The following KAZN variants were observed in gnomAD, a reference collection of about 807,000 sequenced individuals.
KAZN encodes the protein kazrin, periplakin interacting protein.
KAZN carries 40 observed loss-of-function variants against 87.4 expected under a neutral mutation model. The observed-to-expected ratio is 0.46, with a 90% confidence interval of 0.36 to 0.60. The LOEUF is 0.60. KAZN is among the 20% of genes least tolerant of loss of function. KAZN has a pLI of 0.00. For missense variants in KAZN, 898 were observed against 1,073.9 expected (o/e 0.84, Z 2.29); for synonymous variants, 466 against 458.3 (o/e 1.02, Z -0.22).
chr1:14,385,421 A>G (rs1249930805), intron 2 of KAZN, among the ~76,000 whole-genome samples: 1 of 151,628 alleles, frequency 6.6e-6, no homozygotes, highest in Non-Finnish European at 1.5e-5. Flanking sequence ...TCAATTTTGG[A>G]TCTTTCCTGC....
At chr1:13,904,366 AC>A (rs1323056319) in intron 1 of KAZN, among the ~76,000 whole-genome samples, 14 of 152,022 alleles carry the variant, frequency 9.2e-5, no homozygotes, top group African/African-American at 3.4e-4. Flanking sequence ...TGCTGGGAGA[AC>A]TCCCAGGTTG....
At chr1:14,428,778 G>C (rs1292634789) in intron 2 of KAZN, among the ~76,000 whole-genome samples, 1 of 151,944 alleles carries the variant, frequency 6.6e-6, no homozygotes. Context: ...ACTATCACGA[G>C]AACAGTATGG....
chr1:14,183,509 G>T (rs905585802), intron 2 of KAZN, among the ~76,000 whole-genome samples: 3 of 152,070 alleles, frequency 2.0e-5, no homozygotes, highest in Non-Finnish European at 4.4e-5. Flanking sequence ...TTTGAAACCC[G>T]ATCTTGTGGC....
intron 2 of KAZN, among the ~76,000 whole-genome samples, chr1:14,489,567 A>G (rs182390880): frequency 1.3e-5 from 2 of 152,010 alleles, no homozygotes; most frequent in Non-Finnish European, 2.9e-5. Flanking sequence ...AACCTCATCT[A>G]TACTGAAAAT....
At chr1:14,279,055 T>C (rs1158953596) in intron 2 of KAZN, among the ~76,000 whole-genome samples, 1 of 151,252 alleles carries the variant, frequency 6.6e-6, no homozygotes, top group African/African-American at 2.4e-5. Flanking sequence ...AGTGACCATC[T>C]AATCTGTATT....
At chr1:15,059,102 C>T (rs1266316244) in intron 5 of KAZN, among the ~76,000 whole-genome samples, 1 of 140,362 alleles carries the variant, frequency 7.1e-6, no homozygotes, top group Non-Finnish European at 1.6e-5. Flanking sequence ...AAAACAGGCA[C>T]TTTTTTTTTT....
At position 15,063,575 on chromosome 1, in the gene KAZN, G is replaced by A. The variant is rs774095795; in HGVS notation, c.1051G>A (p.Asp351Asn). ...TCCTCTTCTCCTCTGGCTACAGGGC[G>A]ACAGTCCCGGCCCAGTTCAGAAGAA... Reference protein sequence around the residue: ...RHRTHSLCNGDSPGPVQKNLH... With the variant: ...RHRTHSLCNGNSPGPVQKNLH... Residue 351 changes from aspartate to asparagine, a missense_variant, in exon 7 of 15, where the codon GAC becomes AAC. Physicochemically the swap from Asp to Asn is conservative, Grantham distance 23 (BLOSUM62 1). Transcript: ENST00000376030. 2.2e-5 allele frequency: 35 copies of A among 1,613,780 alleles called. No homozygotes were observed. The highest frequency in any genetic ancestry group is 3.3e-5 in the Admixed American group (2 of 60,010).
At chr1:14,538,499 A>G (rs872579) in intron 2 of KAZN, among the ~76,000 whole-genome samples, 35,132 of 152,102 alleles carry the variant, frequency 0.23, 4,179 homozygotes, top group African/African-American at 0.26. Context: ...CCAGAGCTGC[A>G]TTCTCCGAGG....
intron 2 of KAZN, among the ~76,000 whole-genome samples, chr1:14,976,769 C>G (rs1178767236): frequency 6.6e-6 from 1 of 152,118 alleles, no homozygotes; most frequent in African/African-American, 2.4e-5. Flanking sequence ...AAACTGGGCT[C>G]TAGGCAGGGC....
chr1:14,553,894 G>A (rs1302511055), intron 2 of KAZN, among the ~76,000 whole-genome samples: 3 of 152,176 alleles, frequency 2.0e-5, no homozygotes, highest in South Asian at 4.1e-4. Context: ...CGTAGGTTCC[G>A]GGCATTGGTA....
intron 2 of KAZN, among the ~76,000 whole-genome samples, chr1:14,489,363 A>G (rs1669526350): frequency 6.6e-6 from 1 of 152,196 alleles, no homozygotes; most frequent in Non-Finnish European, 1.5e-5. Context: ...AATTATATAT[A>G]TATAAACTGT....
rs1041576284 is a variant in KAZN at position 14,877,205 on chromosome 1, C to T, written c.227-83479C>T. On this transcript the variant is annotated intron_variant, in intron 1 of 14. Coordinates refer to ENST00000376030, the MANE Select transcript of KAZN (RefSeq NM_201628.3). ...CCACCAATCTCGTGGCTCTGTCTCC[C>T]GTTACTCCCTTTGTGTATTGGCCCC... 3.6e-4 allele frequency among the ~76,000 whole-genome samples: 55 copies of T among 152,172 alleles called. 2 individuals are homozygous for T. The highest frequency in any genetic ancestry group is 2.1e-4 in the South Asian group (1 of 4,830).
At chr1:14,522,518 T>C (rs1330295683) in intron 2 of KAZN, among the ~76,000 whole-genome samples, 1 of 152,186 alleles carries the variant, frequency 6.6e-6, no homozygotes, top group African/African-American at 2.4e-5. Context: ...TCATCTGTGA[T>C]GTGTACAATT....
At chr1:15,098,921 C>A (rs373749243) in intron 10 of KAZN, among the ~76,000 whole-genome samples, 6 of 152,214 alleles carry the variant, frequency 3.9e-5, no homozygotes, top group South Asian at 2.1e-4. Context: ...CCCACCCTGC[C>A]CCCCAGGAGC....
chr1:14,460,921 G>A (rs1270096659), intron 2 of KAZN, among the ~76,000 whole-genome samples: 1 of 152,198 alleles, frequency 6.6e-6, no homozygotes, highest in Non-Finnish European at 1.5e-5. Flanking sequence ...TCTCAGAAAT[G>A]TGAAAGAACT....
chr1:14,748,901 A>C (rs1347103357), intron 1 of KAZN, among the ~76,000 whole-genome samples: 1 of 152,206 alleles, frequency 6.6e-6, no homozygotes, highest in African/African-American at 2.4e-5. Context: ...GTTATATCCC[A>C]ATTCAGTTAA....
rs11590197 is a variant in KAZN, at chr1:14,732,709, T to C, written c.226+133486T>C. Among the ~76,000 whole-genome samples, 1,327 of 152,282 alleles carry C rather than the reference T, an allele frequency of 8.7e-3. 8 individuals are homozygous for C. Among genetic ancestry groups the C allele is most frequent in the Non-Finnish European group, 0.013 (880 of 68,028 alleles). ...AACATATATGTATTATTTTTTCAAC[T>C]GGCTATTACAATGTTAGAACATAAA... On this transcript the variant is annotated intron_variant, in intron 1 of 14. Transcript: ENST00000376030.
chr1:14,004,625 C>T (rs1210848049), intron 1 of KAZN, among the ~76,000 whole-genome samples: 2 of 152,134 alleles, frequency 1.3e-5, no homozygotes, highest in African/African-American at 4.8e-5. Flanking sequence ...TTTCTTGATC[C>T]AGGTGCTGGT....
chr1:14,926,094 C>G (rs1215868690), intron 1 of KAZN, among the ~76,000 whole-genome samples: 2 of 152,238 alleles, frequency 1.3e-5, no homozygotes, highest in Non-Finnish European at 2.9e-5. Flanking sequence ...CTCCTTCTGG[C>G]ATTACATGCT....
Sources: gnomAD v4.1 joint callset for allele counts (sites outside exome capture counted in the v4.1 genomes callset) on GRCh38, gnomAD v4.1.1 for gene constraint, MANE v1.5 for transcripts, NCBI Gene and HGNC (gene_info 2026-07-23, HGNC 2026-07-21) for gene names.